DPH6: variants seen among roughly 807,000 people sequenced by gnomAD.
The protein encoded by DPH6 is diphthine--ammonia ligase.
A neutral mutation model predicts 38.2 loss-of-function variants in DPH6; 33 were observed. That is an observed-to-expected ratio of 0.86 (90% CI 0.65 to 1.15). The LOEUF (loss-of-function observed/expected upper bound fraction) is 1.15, where lower values mean the gene tolerates loss of function less well. DPH6 is among the 50% of genes most tolerant of loss of function. DPH6 has a pLI of 0.00. For missense variants in DPH6, 325 were observed against 320.0 expected, an observed-to-expected ratio of 1.02 and a Z score of -0.12; for synonymous variants, 108 against 103.0, an observed-to-expected ratio of 1.05 and a Z score of -0.30.
chr15:35,325,548 C>T (rs768343418), intron 3 of DPH6, among the ~76,000 whole-genome samples: 25 of 152,122 alleles, frequency 1.6e-4, no homozygotes, highest in Non-Finnish European at 2.9e-4. Context: ...CTAAACCTAA[C>T]CTCACTCCAT....
chr15:35,243,422 A>G (rs1404839843), intron 3 of DPH6, among the ~76,000 whole-genome samples: 10 of 142,588 alleles, frequency 7.0e-5, no homozygotes, highest in South Asian at 2.4e-4. Context: ...CTCTGAGCCC[A>G]AGCCAAGCCA....
chr15:35,299,694 C>A (rs928154919), intron 3 of DPH6, among the ~76,000 whole-genome samples: 5 of 152,234 alleles, frequency 3.3e-5, no homozygotes, highest in African/African-American at 1.2e-4. Context: ...CACATAGATA[C>A]ACCTTAGGGA....
chr15:35,244,841 T>C (rs1305394751), intron 3 of DPH6, among the ~76,000 whole-genome samples: 1 of 152,220 alleles, frequency 6.6e-6, no homozygotes, highest in Non-Finnish European at 1.5e-5. Flanking sequence ...CCTATGAGCC[T>C]ACGAGCTTGG....
intron 3 of DPH6, among the ~76,000 whole-genome samples, chr15:35,531,701 G>C (rs1202117531): frequency 1.3e-5 from 2 of 152,120 alleles, no homozygotes. Flanking sequence ...TTGAACTCCT[G>C]AAAGTGGTCT....
the DPH6 span, among the ~76,000 whole-genome samples, chr15:35,173,323 A>T: frequency 6.6e-6 from 1 of 152,040 alleles, no homozygotes; most frequent in South Asian, 2.1e-4. Context: ...CCTTCTTTTC[A>T]CCTCATTCCA....
At chr15:35,246,966 A>T (rs2051641818) in intron 3 of DPH6, among the ~76,000 whole-genome samples, 1 of 152,194 alleles carries the variant, frequency 6.6e-6, no homozygotes, top group Non-Finnish European at 1.5e-5. Flanking sequence ...ATAGAAAAGG[A>T]GCGAGAATAT....
intron 3 of DPH6, among the ~76,000 whole-genome samples, chr15:35,493,919 C>G (rs1017539861): frequency 1.3e-4 from 20 of 152,164 alleles, no homozygotes; most frequent in African/African-American, 4.8e-4. Context: ...ATTTAATCTT[C>G]TATTTTAAAA....
chr15:35,370,709 A>C (rs918608009), downstream of DPH6, among the ~76,000 whole-genome samples: 1 of 151,776 alleles, frequency 6.6e-6, no homozygotes, highest in Non-Finnish European at 1.5e-5. Flanking sequence ...GAGGTGGAAC[A>C]ACAGAAACTC....
chr15:35,340,650 T>C (rs755826858), intron 3 of DPH6, among the ~76,000 whole-genome samples: 1 of 152,226 alleles, frequency 6.6e-6, no homozygotes, highest in Admixed American at 6.5e-5. Flanking sequence ...TTAGTTTGGC[T>C]GGATATAAAA....
intron 3 of DPH6, among the ~76,000 whole-genome samples, chr15:35,352,131 A>C (rs1262929911): frequency 6.6e-6 from 1 of 152,178 alleles, no homozygotes; most frequent in Non-Finnish European, 1.5e-5. Flanking sequence ...AAGGTGCATG[A>C]TTACAGTATT....
intron 3 of DPH6, among the ~76,000 whole-genome samples, chr15:35,255,835 T>C (rs1474257928): frequency 6.6e-6 from 1 of 152,096 alleles, no homozygotes; most frequent in Non-Finnish European, 1.5e-5. Flanking sequence ...ATTCATTCTA[T>C]CCATTAGGAT....
At chr15:35,392,408 GAA>G (rs59974813) in intron 6 of DPH6, among the ~76,000 whole-genome samples, 32 of 137,998 alleles carry the variant, frequency 2.3e-4, no homozygotes, top group South Asian at 4.6e-4. Flanking sequence ...TTTTAAAATG[GAA>G]AAAAAAAAAA....
chr15:35,439,056 T>C (rs573668039), intron 5 of DPH6, among the ~76,000 whole-genome samples: 29 of 152,350 alleles, frequency 1.9e-4, no homozygotes, highest in Middle Eastern at 3.4e-3. Flanking sequence ...ATCTGCTTTT[T>C]AGCAAAATTT....
chr15:35,343,198 A>C (rs906726392), intron 3 of DPH6, among the ~76,000 whole-genome samples: 2 of 152,204 alleles, frequency 1.3e-5, no homozygotes, highest in South Asian at 2.1e-4. Flanking sequence ...CAAATAATAC[A>C]TTGCCAAGGC....
At chr15:35,230,773 T>C (rs2051511683) in intron 3 of DPH6, among the ~76,000 whole-genome samples, 1 of 152,092 alleles carries the variant, frequency 6.6e-6, no homozygotes, top group Non-Finnish European at 1.5e-5. Context: ...CAGATTTCCT[T>C]ATGTCCCAAG....
intron 3 of DPH6, among the ~76,000 whole-genome samples, chr15:35,460,286 G>A (rs1408193928): frequency 6.6e-6 from 1 of 152,158 alleles, no homozygotes; most frequent in Admixed American, 6.5e-5. Context: ...AAATTTAATA[G>A]AATTTGGAGA....
intron 6 of DPH6, chr15:35,401,793 C>G (rs2053223380): frequency 3.2e-6 from 2 of 618,686 alleles, no homozygotes; most frequent in African/African-American, 3.6e-5. Context: ...CAAAGCTTAA[C>G]AGGAGAGGAG....
chr15:35,363,534 G>C (rs1293199869), intron 3 of DPH6, among the ~76,000 whole-genome samples: 2 of 151,910 alleles, frequency 1.3e-5, no homozygotes, highest in African/African-American at 4.8e-5. Flanking sequence ...CTCTTTCAAA[G>C]AGCATAGACT....
intron 6 of DPH6, among the ~76,000 whole-genome samples, chr15:35,408,140 C>T (rs2053319372): frequency 1.3e-5 from 2 of 151,778 alleles, no homozygotes; most frequent in East Asian, 3.9e-4. Context: ...GGAAATACAG[C>T]AGACAAGATC....
Sources: gnomAD v4.1 joint callset for allele counts (sites outside exome capture counted in the v4.1 genomes callset) on GRCh38, gnomAD v4.1.1 for gene constraint, MANE v1.5 for transcripts, NCBI Gene and HGNC (gene_info 2026-07-23, HGNC 2026-07-21) for gene names.